The following EXOC6B variants were observed in gnomAD, a reference collection of about 807,000 sequenced individuals.
The protein encoded by EXOC6B is exocyst complex component 6B.
Under a neutral mutation model 113.5 loss-of-function variants are expected in EXOC6B, and 54 were observed. The ratio of observed to expected loss-of-function variants is 0.48; its 90% CI spans 0.38 to 0.60. The LOEUF (loss-of-function observed/expected upper bound fraction) is 0.60, where lower values mean the gene tolerates loss of function less well. Ranked by LOEUF, EXOC6B falls within the 20% of genes least tolerant of loss-of-function variation. The probability of loss-of-function intolerance (pLI) is 0.00; values close to 1 mark genes in which losing one functional copy is unlikely to be tolerated. For missense variants in EXOC6B, 797 were observed against 977.5 expected, an observed-to-expected ratio of 0.82 and a Z score of 2.46; for synonymous variants, 357 against 339.0, an observed-to-expected ratio of 1.05 and a Z score of -0.58.
chr2:72,697,643 C>G (rs1677989721), intron 6 of EXOC6B, among the ~76,000 whole-genome samples: 1 of 152,058 alleles, frequency 6.6e-6, no homozygotes, highest in Non-Finnish European at 1.5e-5. Context: ...AAGATTGTAC[C>G]ACTGCACTCT....
chr2:72,284,087 T>C (rs926355144), intron 20 of EXOC6B, among the ~76,000 whole-genome samples: 3 of 152,154 alleles, frequency 2.0e-5, no homozygotes, highest in African/African-American at 7.2e-5. Context: ...TTACAAAATC[T>C]TTCAAAACAC....
intron 17 of EXOC6B, among the ~76,000 whole-genome samples, chr2:72,465,643 T>C (rs971668822): frequency 1.3e-5 from 2 of 152,160 alleles, no homozygotes; most frequent in Non-Finnish European, 2.9e-5. Flanking sequence ...CTCTAAGAAG[T>C]ATGGTGAGAT....
chr2:72,279,800 G>T (rs924447122), intron 20 of EXOC6B, among the ~76,000 whole-genome samples: 51 of 151,494 alleles, frequency 3.4e-4, no homozygotes, highest in Admixed American at 1.1e-3. Flanking sequence ...GGTTTTTTTT[G>T]TTGTTGTTGT....
chr2:72,264,413 T>C (rs1283147040), intron 20 of EXOC6B, among the ~76,000 whole-genome samples: 2 of 151,980 alleles, frequency 1.3e-5, no homozygotes, highest in Admixed American at 6.6e-5. Flanking sequence ...TCTACAAAAA[T>C]ACAAAAAATT....
chr2:72,510,665 A>T (rs190365873), intron 11 of EXOC6B, among the ~76,000 whole-genome samples: 2 of 151,740 alleles, frequency 1.3e-5, no homozygotes, highest in Non-Finnish European at 2.9e-5. Flanking sequence ...ACATTTATAT[A>T]TCAGAAAGCT....
At chr2:72,774,247 G>A (rs533785739) in intron 1 of EXOC6B, among the ~76,000 whole-genome samples, 1 of 152,152 alleles carries the variant, frequency 6.6e-6, no homozygotes, top group African/African-American at 2.4e-5. Context: ...GTGAAAATAT[G>A]AACTGGTAGC....
Position 72,822,006 on chromosome 2 carries a change from A to C in EXOC6B, c.113+3792T>G, listed in dbSNP as rs193297357. Among the ~76,000 whole-genome samples the C allele has an allele frequency of 5.1e-3, 778 of 152,310 alleles. 6 individuals carry two copies. The highest frequency in any genetic ancestry group is 0.017 in the African/African-American group (719 of 41,558). ...TTTAATGGCAATGTATTTCAATATT[A>C]AATTTTAAGTTTGAAAACAAAATCT... On this transcript the variant is annotated intron_variant, in intron 1 of 21. Coordinates refer to ENST00000272427, the MANE Select transcript of EXOC6B (RefSeq NM_015189.3).
At chr2:72,561,942 A>T (rs978997125) in intron 7 of EXOC6B, among the ~76,000 whole-genome samples, 1 of 152,130 alleles carries the variant, frequency 6.6e-6, no homozygotes, top group Non-Finnish European at 1.5e-5. Flanking sequence ...AAAGCAGTAC[A>T]CAGAAATCTA....
chr2:72,545,358 A>T (rs1270434002), intron 8 of EXOC6B, among the ~76,000 whole-genome samples: 5 of 151,794 alleles, frequency 3.3e-5, no homozygotes, highest in Middle Eastern at 3.4e-3. Context: ...TATTTCATTT[A>T]AAAAAAAATC....
chr2:72,653,606 C>G lies in EXOC6B; in HGVS notation c.669+64497G>C, dbSNP rs570406356. Reference sequence around the variant, plus strand: ...AAAAAATATTGCCAGCAACCCCCCCCCAAAAAGAAAGAAAGAAAGAAAATA... The same window carrying G: ...AAAAAATATTGCCAGCAACCCCCCCGCAAAAAGAAAGAAAGAAAGAAAATA... On this transcript the variant is annotated intron_variant, in intron 6 of 21. Coordinates refer to ENST00000272427, the MANE Select transcript of EXOC6B (RefSeq NM_015189.3). Among the ~76,000 whole-genome samples the G allele has an allele frequency of 2.7e-5, 4 of 145,506 alleles. No individual in the cohort carries two copies. The East Asian group carries it at 5.8e-4, about 21-fold the overall frequency.
chr2:72,739,929 T>C (rs1401754083), intron 2 of EXOC6B, among the ~76,000 whole-genome samples: 1 of 152,088 alleles, frequency 6.6e-6, no homozygotes, highest in Non-Finnish European at 1.5e-5. Flanking sequence ...ACTTAAGCAT[T>C]TTGGAAATTT....
At chr2:72,685,034 G>C (rs148741289) in intron 6 of EXOC6B, among the ~76,000 whole-genome samples, 2,517 of 152,224 alleles carry the variant, frequency 0.017, 94 homozygotes, top group African/African-American at 0.058. Context: ...TATGCATCCT[G>C]AAGTGTTTAG....
intron 20 of EXOC6B, among the ~76,000 whole-genome samples, chr2:72,224,929 T>A (rs1049179011): frequency 1.9e-4 from 28 of 151,242 alleles, no homozygotes; most frequent in African/African-American, 6.3e-4. Context: ...TATGTGTATA[T>A]ATATGTCTGT....
At chr2:72,721,433 G>GAAA (rs34698268) in intron 5 of EXOC6B, among the ~76,000 whole-genome samples, 2 of 105,136 alleles carry the variant, frequency 1.9e-5, no homozygotes, top group Non-Finnish European at 3.6e-5. Flanking sequence ...GCCAACATAT[G>GAAA]AAAAAAAAAA....
Position 72,185,501 on chromosome 2 carries a change from C to A in EXOC6B, c.2197-1314G>T, listed in dbSNP as rs540916179. Among the ~76,000 whole-genome samples the A allele has an allele frequency of 2.0e-5, 3 of 152,328 alleles. No homozygotes were observed. The East Asian group carries it at 5.8e-4, about 29-fold the overall frequency. ...CCTAAAACTTAGAAAAGTCCCTATA[C>A]CCTCAGCCAAGAAAGGGATTTTAGA... On this transcript the variant is annotated intron_variant, in intron 20 of 21. Coordinates refer to ENST00000272427, the MANE Select transcript of EXOC6B (RefSeq NM_015189.3).
Position 72,595,394 on chromosome 2 carries a change from T to C in EXOC6B, c.670-19726A>G, listed in dbSNP as rs115795755. Among the ~76,000 whole-genome samples, 1,445 of 149,016 alleles carry C rather than the reference T, an allele frequency of 9.7e-3. 23 individuals carry two copies. The highest frequency in any genetic ancestry group is 0.033 in the African/African-American group (1,337 of 41,034). On this transcript the variant is annotated intron_variant, in intron 6 of 21. Transcript: ENST00000272427. ...AATAATATAATTTTAAAAATAAAAATAATTGTATTAAAATAAAAAATTTTG... is the reference window on the plus strand; with the variant it reads ...AATAATATAATTTTAAAAATAAAAACAATTGTATTAAAATAAAAAATTTTG...
At chr2:72,558,083 A>G (rs1703665789) in intron 8 of EXOC6B, among the ~76,000 whole-genome samples, 1 of 152,150 alleles carries the variant, frequency 6.6e-6, no homozygotes, top group Admixed American at 6.5e-5. Flanking sequence ...CTACTGCAAT[A>G]TTAAATTCAA....
intron 19 of EXOC6B, among the ~76,000 whole-genome samples, chr2:72,363,597 C>CTGATGATGA (rs565740332): frequency 2.8e-3 from 431 of 151,366 alleles, no homozygotes; most frequent in African/African-American, 9.7e-3. Context: ...ACTGCTGCTA[C>CTGATGATGA]TGATGATGAT....
chr2:72,760,980 G>C (rs780809487), intron 1 of EXOC6B, among the ~76,000 whole-genome samples: 1 of 152,106 alleles, frequency 6.6e-6, no homozygotes, highest in Non-Finnish European at 1.5e-5. Flanking sequence ...AGGACTTCAG[G>C]ACCAGCCTGG....
Sources: gnomAD v4.1 joint callset for allele counts (sites outside exome capture counted in the v4.1 genomes callset) on GRCh38, gnomAD v4.1.1 for gene constraint, MANE v1.5 for transcripts, NCBI Gene and HGNC (gene_info 2026-07-23, HGNC 2026-07-21) for gene names.